Variants in PPP3CA observed in about 807,000 individuals in gnomAD.
PPP3CA encodes the protein protein phosphatase 3 catalytic subunit alpha, also known as CAM-PRP catalytic subunit.
Under a neutral mutation model 66.5 loss-of-function variants are expected in PPP3CA, and 14 were observed. The observed-to-expected ratio is 0.21, with a 90% CI of 0.14 to 0.33. The LOEUF (loss-of-function observed/expected upper bound fraction) is 0.33, where lower values mean the gene tolerates loss of function less well. Among genes scored for constraint, PPP3CA ranks in the 10% least tolerant of loss-of-function variants. The pLI, the probability that PPP3CA is intolerant of heterozygous loss-of-function variation, is 1.00. For missense variants in PPP3CA, 317 were observed against 639.5 expected (o/e 0.50, Z 5.44); for synonymous variants, 232 against 226.2 (o/e 1.03, Z -0.23).
intron 10 of PPP3CA, among the ~76,000 whole-genome samples, chr4:101,057,063 T>A (rs1728256857): frequency 6.6e-6 from 1 of 151,226 alleles, no homozygotes; most frequent in Non-Finnish European, 1.5e-5. Context: ...GAATATACTT[T>A]TTTTTTTTTT....
chr4:101,140,151 A>G (rs905847036), intron 2 of PPP3CA, among the ~76,000 whole-genome samples: 2 of 152,218 alleles, frequency 1.3e-5, no homozygotes, highest in Admixed American at 1.3e-4. Context: ...AAGGTAATTC[A>G]TAATTGTCCA....
At chr4:101,137,980 A>C (rs774614824) in intron 2 of PPP3CA, among the ~76,000 whole-genome samples, 21 of 152,318 alleles carry the variant, frequency 1.4e-4, no homozygotes, top group Non-Finnish European at 2.8e-4. Context: ...TATATAAAAC[A>C]GGTCACTAAC....
chr4:101,173,880 G>C (rs1482018338), intron 2 of PPP3CA, among the ~76,000 whole-genome samples: 2 of 151,920 alleles, frequency 1.3e-5, no homozygotes, highest in Admixed American at 1.3e-4. Flanking sequence ...GCAAGACCTT[G>C]TCTCAACAAA....
At chr4:101,043,715 A>T (rs952493500) in intron 10 of PPP3CA, among the ~76,000 whole-genome samples, 11 of 152,178 alleles carry the variant, frequency 7.2e-5, no homozygotes, top group African/African-American at 2.7e-4. Flanking sequence ...TCTACTAAAA[A>T]TACAAAAAAA....
chr4:101,053,249 TTTTGC>T (rs1299167834), intron 10 of PPP3CA, among the ~76,000 whole-genome samples: 1 of 152,146 alleles, frequency 6.6e-6, no homozygotes, highest in Admixed American at 6.6e-5. Flanking sequence ...ATCAAATAAA[TTTTGC>T]TATTCATCTC....
At chr4:101,111,937 G>A (rs1240851632) in intron 2 of PPP3CA, among the ~76,000 whole-genome samples, 1 of 152,132 alleles carries the variant, frequency 6.6e-6, no homozygotes, top group African/African-American at 2.4e-5. Context: ...GGAGGAATAA[G>A]GAGTGGAAGG....
chr4:101,103,673 T>C (rs942008315), intron 3 of PPP3CA, among the ~76,000 whole-genome samples: 1 of 152,184 alleles, frequency 6.6e-6, no homozygotes, highest in African/African-American at 2.4e-5. Context: ...TGTTGAGGCC[T>C]GGAGTTGAGA....
At chr4:101,186,463 A>G (rs1724411533) in intron 2 of PPP3CA, among the ~76,000 whole-genome samples, 1 of 152,142 alleles carries the variant, frequency 6.6e-6, no homozygotes, top group Non-Finnish European at 1.5e-5. Context: ...TCAATCATCA[A>G]ATATAAAGAA....
At chr4:101,216,363 C>G (rs1035546481) in intron 1 of PPP3CA, among the ~76,000 whole-genome samples, 14 of 152,074 alleles carry the variant, frequency 9.2e-5, no homozygotes, top group Non-Finnish European at 1.9e-4. Context: ...TAATTATACA[C>G]TTTTGAATCC....
At chr4:101,314,569 CAAAAAA>C (rs748980814) in intron 1 of PPP3CA, among the ~76,000 whole-genome samples, 12 of 75,258 alleles carry the variant, frequency 1.6e-4, no homozygotes, top group Middle Eastern at 0.011. Context: ...ATCTCAAAAC[CAAAAAA>C]AAAAAAAAAA....
rs550839202 is a variant in PPP3CA, at chr4:101,288,924, CG to C, written c.58+57814del. The stretch of plus-strand genomic sequence containing the variant: ...CTCTTCATCCTTCCCCTTTTTGATT[CG>C]AAACATTTCCTCCCAACTTGGCTGC... On this transcript the variant is annotated intron_variant, in intron 1 of 13. Transcript: ENST00000394854. Among the ~76,000 whole-genome samples, 130 of 151,920 alleles carry C rather than the reference CG, an allele frequency of 8.6e-4. 1 individual carries two copies. The highest frequency in any genetic ancestry group is 3.0e-3 in the African/African-American group (124 of 41,446).
At position 101,040,056 on chromosome 4, in the gene PPP3CA, A is replaced by C. The variant is rs116666225; in HGVS notation, c.1241+426T>G. 6.0e-3 allele frequency among the ~76,000 whole-genome samples: 916 copies of C among 152,338 alleles called. 4 individuals carry two copies. The highest frequency in any genetic ancestry group is 9.6e-3 in the Non-Finnish European group (653 of 68,020). On this transcript the variant is annotated intron_variant, in intron 11 of 13. Transcript: ENST00000394854. ...TCAATAATTAGAATAACATAGATTCACATGAACAGCTTTATGGCTGATGTT... is the reference window on the plus strand; with the variant it reads ...TCAATAATTAGAATAACATAGATTCCCATGAACAGCTTTATGGCTGATGTT...
chr4:101,103,651 C>T (rs1324568109), intron 3 of PPP3CA, among the ~76,000 whole-genome samples: 1 of 152,216 alleles, frequency 6.6e-6, no homozygotes, highest in East Asian at 1.9e-4. Context: ...AACACCTCTT[C>T]ACACTTAAAC....
At chr4:101,219,133 T>C (rs1039729794) in intron 1 of PPP3CA, among the ~76,000 whole-genome samples, 1 of 152,046 alleles carries the variant, frequency 6.6e-6, no homozygotes, top group Non-Finnish European at 1.5e-5. Context: ...TGACTGGGGC[T>C]TTATTGTCAA....
At chr4:101,150,510 G>T (rs534127300) in intron 2 of PPP3CA, among the ~76,000 whole-genome samples, 142 of 152,308 alleles carry the variant, frequency 9.3e-4, no homozygotes, top group Middle Eastern at 3.4e-3. Context: ...GAGAGAACAT[G>T]TATTAAACTG....
In PPP3CA at chr4:101,299,112, T is replaced by TG. The variant is rs200504923; in HGVS notation, c.58+47626_58+47627insC. Among the ~76,000 whole-genome samples, 193 of 86,722 alleles carry TG rather than the reference T, an allele frequency of 2.2e-3. 4 individuals carry two copies. In the East Asian group the frequency reaches 0.034, roughly 15 times the overall value. 56.9% of individuals were successfully genotyped at this position (86,722 alleles called of 152,430 possible). A position where few individuals can be genotyped will look rare whatever the true frequency, so the allele number is the denominator to read the frequency against. On this transcript the variant is annotated intron_variant, in intron 1 of 13. Coordinates refer to ENST00000394854, the MANE Select transcript of PPP3CA (RefSeq NM_000944.5). ...ATATCAAGTGCCATATATCGTTTTT[T>TG]TTTTTTTTTTTTTTTTTTTTGGTAC...
At chr4:101,284,134 T>C (rs1320753672) in intron 1 of PPP3CA, among the ~76,000 whole-genome samples, 3 of 152,306 alleles carry the variant, frequency 2.0e-5, no homozygotes, top group African/African-American at 7.2e-5. Flanking sequence ...AAATTTCCTC[T>C]TTTCGTAAAC....
At chr4:101,181,388 G>T (rs941252442) in intron 2 of PPP3CA, among the ~76,000 whole-genome samples, 4 of 151,748 alleles carry the variant, frequency 2.6e-5, no homozygotes, top group Non-Finnish European at 5.9e-5. Context: ...TTAAAACAAG[G>T]TCTACAAAGG....
intron 2 of PPP3CA, among the ~76,000 whole-genome samples, chr4:101,120,066 A>T (rs1413643340): frequency 6.6e-6 from 1 of 152,108 alleles, no homozygotes; most frequent in Non-Finnish European, 1.5e-5. Flanking sequence ...AAAAAGTGTT[A>T]TCTGAAAAAT....
Sources: gnomAD v4.1 joint callset for allele counts (sites outside exome capture counted in the v4.1 genomes callset) on GRCh38, gnomAD v4.1.1 for gene constraint, MANE v1.5 for transcripts, NCBI Gene and HGNC (gene_info 2026-07-23, HGNC 2026-07-21) for gene names.